Variants in DRC8 observed in about 807,000 individuals in gnomAD.
DRC8 encodes the protein dynein regulatory complex subunit 8, also known as dynein regulatory complex protein 8.
the DRC8 span, among the ~76,000 whole-genome samples, chr1:245,025,767 G>T: frequency 3.9e-5 from 6 of 152,170 alleles, no homozygotes; most frequent in East Asian, 1.2e-3. Context: ...CCGGTAAGAG[G>T]TAATTGAATC....
chr1:245,002,196 GACCATCAC>G, the DRC8 span: 1 of 1,610,414 alleles, frequency 6.2e-7, no homozygotes, highest in Non-Finnish European at 8.5e-7. Context: ...TGGAAGAAGA[GACCATCAC>G]ACAATGACGG....
chr1:245,095,979 T>C, the DRC8 span, among the ~76,000 whole-genome samples: 25 of 152,238 alleles, frequency 1.6e-4, no homozygotes, highest in African/African-American at 5.5e-4. Context: ...TAGTATCTCA[T>C]TGATCTTTTA....
At chr1:245,043,496 T>C in the DRC8 span, among the ~76,000 whole-genome samples, 1 of 152,096 alleles carries the variant, frequency 6.6e-6, no homozygotes, top group Non-Finnish European at 1.5e-5. Flanking sequence ...TTAAATACTT[T>C]ATATGGAACA....
At chr1:245,076,348 C>T in the DRC8 span, among the ~76,000 whole-genome samples, 2 of 152,222 alleles carry the variant, frequency 1.3e-5, no homozygotes, top group African/African-American at 2.4e-5. Flanking sequence ...CCCTGTTAGA[C>T]ATGAGCATGC....
the DRC8 span, among the ~76,000 whole-genome samples, chr1:245,004,212 G>A: frequency 5.6e-4 from 85 of 152,008 alleles, 1 homozygote; most frequent in Admixed American, 2.0e-3. Flanking sequence ...ATGGTACCCA[G>A]CTTTGGATTG....
chr1:245,047,643 A>AG, the DRC8 span, among the ~76,000 whole-genome samples: 4 of 149,632 alleles, frequency 2.7e-5, no homozygotes, highest in African/African-American at 9.8e-5. Flanking sequence ...TCCAAAAAAA[A>AG]AAAAAAACGA....
chr1:244,990,586 C>T, the DRC8 span, among the ~76,000 whole-genome samples: 4 of 152,154 alleles, frequency 2.6e-5, no homozygotes, highest in Non-Finnish European at 5.9e-5. Context: ...TCAGCTTTGG[C>T]CATTGGAAGC....
chr1:245,104,285 C>T, the DRC8 span, among the ~76,000 whole-genome samples: 4 of 152,276 alleles, frequency 2.6e-5, no homozygotes, highest in African/African-American at 9.6e-5. Context: ...GGGCAGATCA[C>T]CTGAGGTTAG....
the DRC8 span, among the ~76,000 whole-genome samples, chr1:245,100,107 G>A: frequency 2.6e-5 from 4 of 152,060 alleles, no homozygotes; most frequent in East Asian, 1.9e-4. Context: ...TGGTTTGGCC[G>A]GGCACGGTGG....
chr1:245,006,021 C>T, the DRC8 span, among the ~76,000 whole-genome samples: 3 of 152,142 alleles, frequency 2.0e-5, no homozygotes, highest in Non-Finnish European at 4.4e-5. Flanking sequence ...CCTAGTGCAT[C>T]TGTGTGGAAA....
the DRC8 span, among the ~76,000 whole-genome samples, chr1:245,095,774 A>G: frequency 6.6e-6 from 1 of 152,160 alleles, no homozygotes; most frequent in African/African-American, 2.4e-5. Flanking sequence ...CCTAGTAGTT[A>G]AATCTTAATT....
the DRC8 span, chr1:244,970,108 G>C: frequency 1.5e-6 from 1 of 673,532 alleles, no homozygotes; most frequent in South Asian, 1.6e-5. Context: ...GTTGGGGACC[G>C]TGTGATGAAG....
the DRC8 span, among the ~76,000 whole-genome samples, chr1:245,084,238 C>T: frequency 1.3e-5 from 2 of 151,870 alleles, no homozygotes; most frequent in African/African-American, 2.4e-5. Context: ...CAGGCCACTG[C>T]GCCCAGCTAA....
At chr1:245,109,188 G>A in the DRC8 span, among the ~76,000 whole-genome samples, 2 of 152,238 alleles carry the variant, frequency 1.3e-5, no homozygotes, top group African/African-American at 2.4e-5. Context: ...TTTATACTCC[G>A]ACTCTCATCA....
chr1:245,108,673 C>G, the DRC8 span, among the ~76,000 whole-genome samples: 2 of 152,120 alleles, frequency 1.3e-5, no homozygotes, highest in Non-Finnish European at 2.9e-5. Context: ...GCAGCAGAGT[C>G]TATTCCTCCT....
At chr1:245,038,692 G>A in the DRC8 span, among the ~76,000 whole-genome samples, 1 of 145,894 alleles carries the variant, frequency 6.9e-6, no homozygotes, top group East Asian at 1.9e-4. Flanking sequence ...ATAAAATTGG[G>A]TCTGTACTTC....
At chr1:244,979,534 G>T in the DRC8 span, among the ~76,000 whole-genome samples, 1 of 151,702 alleles carries the variant, frequency 6.6e-6, no homozygotes, top group Non-Finnish European at 1.5e-5. Context: ...TCGAACTCCT[G>T]ACCTCAAATG....
At chr1:245,058,927 A>C in the DRC8 span, among the ~76,000 whole-genome samples, 1 of 152,134 alleles carries the variant, frequency 6.6e-6, no homozygotes, top group Non-Finnish European at 1.5e-5. Context: ...TAGGTAGGTG[A>C]TCTCTCCAAT....
chr1:244,994,711 A>G, the DRC8 span, among the ~76,000 whole-genome samples: 1 of 152,166 alleles, frequency 6.6e-6, no homozygotes, highest in African/African-American at 2.4e-5. Context: ...TACAGGTGTG[A>G]GCCCCTGCGC....
Sources: gnomAD v4.1 joint callset for allele counts (sites outside exome capture counted in the v4.1 genomes callset) on GRCh38, gnomAD v4.1.1 for gene constraint, MANE v1.5 for transcripts, NCBI Gene and HGNC (gene_info 2026-07-23, HGNC 2026-07-21) for gene names.